The following WNT5B variants were observed in gnomAD, a reference collection of about 807,000 sequenced individuals.
WNT5B encodes Wnt family member 5B.
Under a neutral mutation model 36.5 loss-of-function variants are expected in WNT5B, and 18 were observed. The observed-to-expected ratio is 0.49, with a 90% CI of 0.34 to 0.73. WNT5B has a LOEUF of 0.73. Ranked by LOEUF, WNT5B falls within the 30% of genes least tolerant of loss-of-function variation. The probability of loss-of-function intolerance (pLI) is 0.01; values close to 1 mark genes in which losing one functional copy is unlikely to be tolerated. For synonymous variants in WNT5B, 213 were observed against 212.3 expected (o/e 1.00, Z -0.03); for missense variants, 424 against 508.4 (o/e 0.83, Z 1.60).
rs1289914232 is a variant in WNT5B at position 1,639,756 on chromosome 12, GCGAGGGCGAGCTCTC to G, written c.403_417del (p.Glu135_Ser139del). On this transcript the variant is annotated inframe_deletion, in exon 4 of 5. Coordinates refer to ENST00000397196, the MANE Select transcript of WNT5B (RefSeq NM_032642.3). ...GTCAACGCCATCAGCCGGGCCTGCC[GCGAGGGCGAGCTCTC>G]CACCTGCGGCTGCAGCCGGACGGCG... 6.2e-7 allele frequency: 1 copy of G among 1,606,056 alleles called. No individual in the cohort carries two copies. Among genetic ancestry groups the G allele is most frequent in the Non-Finnish European group, 8.5e-7 (1 of 1,176,316 alleles).
upstream of WNT5B, among the ~76,000 whole-genome samples, chr12:1,626,666 G>C (rs964220840): frequency 2.0e-5 from 3 of 151,618 alleles, no homozygotes; most frequent in Non-Finnish European, 4.4e-5. Flanking sequence ...CCAGGTTCAC[G>C]CCATTCTCCT....
At position 1,639,887 on chromosome 12, in the gene WNT5B, G is replaced by T; in HGVS notation, c.532G>T (p.Ala178Ser). 3.7e-6 allele frequency: 6 copies of T among 1,614,066 alleles called. No individual in the cohort carries two copies. The highest frequency in any genetic ancestry group is 5.1e-6 in the Non-Finnish European group (6 of 1,179,966). ...GYRFAKEFVD[A>S]REREKNFAKG... ...CCGCTTCGCCAAGGAGTTTGTGGAT[G>T]CCCGGGAGCGAGAGAAGAACTTTGC... is the stretch of plus-strand genomic sequence containing the variant. The change falls in exon 4 of 5, where the codon GCC becomes TCC. Residue 178 changes from alanine to serine, a missense_variant. Coordinates refer to ENST00000397196, the MANE Select transcript of WNT5B (RefSeq NM_032642.3).
At chr12:1,622,910 A>C (rs1485466158) in intron 1 of WNT5B, among the ~76,000 whole-genome samples, 2 of 152,196 alleles carry the variant, frequency 1.3e-5, no homozygotes, top group Non-Finnish European at 2.9e-5. Flanking sequence ...AGATGGTTAG[A>C]GAAGGCCTCT....
At chr12:1,643,001 A>C (rs1418545338) in intron 4 of WNT5B, among the ~76,000 whole-genome samples, 1 of 152,142 alleles carries the variant, frequency 6.6e-6, no homozygotes, top group Non-Finnish European at 1.5e-5. Context: ...CCTACACACA[A>C]AGTTCTCCAG....
intron 1 of WNT5B, 196 bp from the exon 2 acceptor site, chr12:1,631,101 CA>C (rs1213668842): frequency 1.4e-4 from 55 of 389,380 alleles, no homozygotes; most frequent in African/African-American, 9.1e-4. Context: ...AGGGTTCCCA[CA>C]GTTTGGGGTA....
At chr12:1,626,047 CG>C (rs540042882), upstream of WNT5B, among the ~76,000 whole-genome samples, 50 of 149,774 alleles carry the variant, frequency 3.3e-4, no homozygotes, top group African/African-American at 1.2e-3. Flanking sequence ...AGCACAATCA[CG>C]ACTCACTACA....
upstream of WNT5B, among the ~76,000 whole-genome samples, chr12:1,626,590 A>G: frequency 8.1e-6 from 1 of 123,480 alleles, no homozygotes; most frequent in African/African-American, 3.3e-5. Flanking sequence ...TTTCAGACGG[A>G]GTCTCACTCT....
chr12:1,645,147 A>AT lies in WNT5B; in HGVS notation c.622-644dup, dbSNP rs545053020. ...TGGGCTAACCACGGCTATGCCAGTG[A>AT]TTTCTGTGATAGGCTTGTGATACAA... On this transcript the variant is annotated intron_variant, in intron 4 of 4. Coordinates refer to ENST00000397196, the MANE Select transcript of WNT5B (RefSeq NM_032642.3). The AT allele has an allele frequency of 2.6e-3, 394 of 152,456 alleles. 2 individuals are homozygous for AT. The highest frequency in any genetic ancestry group is 0.017 in the South Asian group (82 of 4,832). 9.4% of individuals were successfully genotyped at this position (152,456 alleles called of 1,614,324 possible).
intron 1 of WNT5B, among the ~76,000 whole-genome samples, chr12:1,623,706 C>T (rs1192265491): frequency 6.6e-6 from 1 of 152,154 alleles, no homozygotes; most frequent in Admixed American, 6.5e-5. Flanking sequence ...TGTTTCTTCA[C>T]GTGCACTCTG....
In WNT5B at chr12:1,618,668, A is replaced by G. The variant is rs2094529980; in HGVS notation, c.-58+1525A>G. Among the ~76,000 whole-genome samples, 1 of 152,196 alleles carries G rather than the reference A, an allele frequency of 6.6e-6. No individual in the cohort carries two copies. Among genetic ancestry groups the G allele is most frequent in the Non-Finnish European group, 1.5e-5 (1 of 68,036 alleles). On this transcript the variant is annotated intron_variant, in intron 1 of 4. Coordinates refer to the WNT5B transcript ENST00000310594. The surrounding 1 kb of genome is among the most constrained non-coding windows in gnomAD (Gnocchi z 4.1). ...GAACTTCCTCTTTCTTATCATCTGC[A>G]CAGAATAAGACTTCCAGTGGACTTT... is the stretch of plus-strand genomic sequence containing the variant.
Position 1,632,953 on chromosome 12 carries a change from C to G in WNT5B, c.328+48C>G. 1 of 1,557,494 alleles carries G rather than the reference C, an allele frequency of 6.4e-7. No homozygotes were observed. The highest frequency in any genetic ancestry group is 8.7e-7 in the Non-Finnish European group (1 of 1,147,832). ...CTCGGCCAAGGAACTGCACTCGTCT[C>G]GTTTGGGAGCAATTAAGCTCTCTCA... On this transcript the variant is annotated intron_variant, in intron 3 of 4. Coordinates refer to ENST00000397196, the MANE Select transcript of WNT5B (RefSeq NM_032642.3). The surrounding 1 kb of genome is among the most constrained non-coding windows in gnomAD (Gnocchi z 5.8).
rs746469978 is a variant in WNT5B, at chr12:1,620,705, ATTT to A, written c.-58+3578_-58+3580del. Among the ~76,000 whole-genome samples the A allele has an allele frequency of 7.3e-4, 77 of 105,200 alleles. 1 individual carries two copies. The highest frequency in any genetic ancestry group is 8.7e-4 in the African/African-American group (26 of 29,896). 69.0% of individuals were successfully genotyped at this position (105,200 alleles called of 152,430 possible). A position where few individuals can be genotyped will look rare whatever the true frequency, so the allele number is the denominator to read the frequency against. ...AGGCACCCGCCACCACACCCAGCAAATTTTTTTTTTTTTTTTTTAGACGGAGTC... is the reference window on the plus strand; with the variant it reads ...AGGCACCCGCCACCACACCCAGCAAATTTTTTTTTTTTTTTAGACGGAGTC... On this transcript the variant is annotated intron_variant, in intron 1 of 4. Coordinates refer to the WNT5B transcript ENST00000310594.
rs1185003353 is a variant in WNT5B, at chr12:1,645,936, TGC to T, written c.768_769del (p.Val257HisfsTer58). 1.2e-6 allele frequency: 2 copies of T among 1,610,246 alleles called. No individual in the cohort carries two copies. Among genetic ancestry groups the T allele is most frequent in the Non-Finnish European group, 1.7e-6 (2 of 1,179,824 alleles). ...GAGAAGTACGACAGCGCGGCCGCCA[TGC>T]GCGTCACCCGCAAGGGCCGGCTGGA... On this transcript the variant is annotated frameshift_variant, in exon 5 of 5. Transcript: ENST00000397196. LOFTEE classifies it high-confidence loss of function.
Position 1,620,143 on chromosome 12 carries a change from C to G in WNT5B, c.-58+3000C>G, listed in dbSNP as rs539144606. Reference sequence around the variant, plus strand: ...GCTGTAGTGTGAACTGCCACATATCCATCACCAGGTTGGAAAATAGAACAT... The same window carrying G: ...GCTGTAGTGTGAACTGCCACATATCGATCACCAGGTTGGAAAATAGAACAT... On this transcript the variant is annotated intron_variant, in intron 1 of 4. Transcript: ENST00000310594. 1.2e-4 allele frequency among the ~76,000 whole-genome samples: 19 copies of G among 152,264 alleles called. No individual in the cohort carries two copies. The South Asian group carries it at 2.9e-3, about 23-fold the overall frequency.
intron 2 of WNT5B, 117 bp downstream of exon 2, chr12:1,631,551 G>A (rs768480878): frequency 1.8e-4 from 277 of 1,504,128 alleles, no homozygotes; most frequent in Admixed American, 2.7e-4. Flanking sequence ...GAGTACTAAG[G>A]GCCTCTTTTA....
intron 4 of WNT5B, among the ~76,000 whole-genome samples, chr12:1,642,985 C>G (rs752882842): frequency 7.9e-5 from 12 of 152,202 alleles, no homozygotes; most frequent in Non-Finnish European, 1.6e-4. Context: ...TGCTTGCCTC[C>G]TCACACCTAC....
rs1199785340 is a variant in WNT5B, at chr12:1,618,266, A to G, written c.-58+1123A>G. Among the ~76,000 whole-genome samples, 1 of 152,244 alleles carries G rather than the reference A, an allele frequency of 6.6e-6. No homozygotes were observed. Among genetic ancestry groups the G allele is most frequent in the Non-Finnish European group, 1.5e-5 (1 of 68,044 alleles). ...CACAGTAGTACCTCTACTTGGTAGCACAAGACACATTTTTATTCTAATTAG... is the reference window on the plus strand; with the variant it reads ...CACAGTAGTACCTCTACTTGGTAGCGCAAGACACATTTTTATTCTAATTAG... On this transcript the variant is annotated intron_variant, in intron 1 of 4. Coordinates refer to the WNT5B transcript ENST00000310594. This position sits in a 1 kb window ranked among gnomAD's most constrained non-coding sequence, Gnocchi z 4.1.
At chr12:1,641,101 G>T (rs1156504507) in intron 4 of WNT5B, among the ~76,000 whole-genome samples, 3 of 152,140 alleles carry the variant, frequency 2.0e-5, no homozygotes, top group African/African-American at 4.8e-5. Context: ...AATGAGAATG[G>T]TGGCCGGGAG....
Position 1,646,938 on chromosome 12 carries a change from G to A in WNT5B, c.*686G>A, listed in dbSNP as rs1017686377. On this transcript the variant is annotated 3_prime_UTR_variant, in exon 5 of 5. Coordinates refer to ENST00000397196, the MANE Select transcript of WNT5B (RefSeq NM_032642.3). ...CACTAGCTCCTACCTGAAGAGGAAA[G>A]GGGGCCATTTGACCTGACATGTCAG... 3.3e-5 allele frequency: 5 copies of A among 152,278 alleles called. No individual in the cohort carries two copies. The highest frequency in any genetic ancestry group is 1.5e-5 in the Non-Finnish European group (1 of 68,092). 9.4% of individuals were successfully genotyped at this position (152,278 alleles called of 1,614,324 possible).
Sources: gnomAD v4.1 joint callset for allele counts (sites outside exome capture counted in the v4.1 genomes callset) on GRCh38, gnomAD v4.1.1 for gene constraint, Gnocchi (gnomAD v3.1) non-coding constraint, MANE v1.5 for transcripts, NCBI Gene and HGNC (gene_info 2026-07-23, HGNC 2026-07-21) for gene names.